The following TUBB3 variants were observed in gnomAD, a reference collection of about 807,000 sequenced individuals.
TUBB3 encodes the protein tubulin beta-3 chain.
A neutral mutation model predicts 37.8 loss-of-function variants in TUBB3; 17 were observed. The observed-to-expected ratio is 0.45, with a 90% CI of 0.31 to 0.67. TUBB3 has a LOEUF of 0.67. TUBB3 is among the 30% of genes least tolerant of loss of function. The pLI, the probability that TUBB3 is intolerant of heterozygous loss-of-function variation, is 0.07. For missense variants in TUBB3, 262 were observed against 657.9 expected, an observed-to-expected ratio of 0.40 and a Z score of 6.58; for synonymous variants, 332 against 278.9, an observed-to-expected ratio of 1.19 and a Z score of -1.90.
intron 1 of TUBB3, among the ~76,000 whole-genome samples, chr16:89,931,524 C>T (rs1024086842): frequency 1.4e-5 from 2 of 147,194 alleles, no homozygotes; most frequent in Non-Finnish European, 3.0e-5. Flanking sequence ...GATGAGGTGG[C>T]AACTTCCCTG....
At chr16:89,928,603 C>T (rs2030169065) in intron 1 of TUBB3, among the ~76,000 whole-genome samples, 1 of 151,460 alleles carries the variant, frequency 6.6e-6, no homozygotes, top group Non-Finnish European at 1.5e-5. Flanking sequence ...CGGTTCACTG[C>T]AAGCTCCGCC....
rs61743676 is a variant in TUBB3, at chr16:89,935,117, C to T, written c.666C>T (p.Tyr222=). 3,238 of 1,614,164 alleles carry T rather than the reference C, an allele frequency of 2.0e-3. 72 individuals are homozygous for T. The South Asian group carries it at 0.032, about 16-fold the overall frequency. ...FRTLKLATPT[Y]GDLNHLVSAT... is the part of the protein sequence containing the mutation. The stretch of plus-strand genomic sequence containing the variant: ...CCCTCAAGCTGGCCACGCCCACCTA[C>T]GGGGACCTCAACCACCTGGTATCGG... The change falls in exon 4 of 4, where the codon TAC becomes TAT. Residue 222 remains tyrosine (Y), a synonymous_variant. Transcript: ENST00000315491.
intron 3 of TUBB3, 122 bp downstream of exon 3, chr16:89,933,700 G>A (rs770324797): frequency 2.4e-6 from 2 of 831,746 alleles, no homozygotes; most frequent in East Asian, 4.9e-5. Context: ...CTGAATGGTG[G>A]GAACTCATCT....
Position 89,935,522 on chromosome 16 carries a change from G to C in TUBB3, c.1071G>C (p.Pro357=), listed in dbSNP as rs754560439. The C allele has an allele frequency of 6.2e-7, 1 of 1,614,178 alleles. No homozygotes were observed. The highest frequency in any genetic ancestry group is 1.1e-5 in the South Asian group (1 of 91,084). The part of the protein sequence containing the change: ...NNVKVAVCDI[P]PRGLKMSSTF... ...TGAAGGTGGCCGTGTGTGACATCCC[G>C]CCCCGCGGCCTCAAGATGTCCTCCA... The change falls in exon 4 of 4, where the codon CCG becomes CCC. Residue 357 remains proline (P), a synonymous_variant. Coordinates refer to ENST00000315491, the MANE Select transcript of TUBB3 (RefSeq NM_006086.4).
At chr16:89,926,995 G>A (rs1421632838) in intron 1 of TUBB3, among the ~76,000 whole-genome samples, 1 of 152,020 alleles carries the variant, frequency 6.6e-6, no homozygotes, top group Non-Finnish European at 1.5e-5. Context: ...GGGATTGCAG[G>A]CATGAGCCAC....
intron 2 of TUBB3, chr16:89,932,910 G>A (rs1447408529): frequency 3.4e-6 from 2 of 580,894 alleles, no homozygotes; most frequent in Non-Finnish European, 6.2e-6. Flanking sequence ...AGTGCCATGA[G>A]GGCCTGTGCG....
intron 1 of TUBB3, 34 bp downstream of exon 1, chr16:89,923,492 C>T (rs762647427): frequency 1.6e-5 from 23 of 1,411,788 alleles, no homozygotes; most frequent in East Asian, 3.2e-5. Flanking sequence ...TCCCGGGCCC[C>T]GGGGCGGGAG....
intron 2 of TUBB3, 78 bp downstream of exon 2, chr16:89,932,757 C>T (rs193023876): frequency 9.5e-6 from 11 of 1,152,942 alleles, no homozygotes; most frequent in African/African-American, 6.1e-5. Flanking sequence ...GGTCTCAGCA[C>T]CTGGACTCAC....
intron 1 of TUBB3, among the ~76,000 whole-genome samples, chr16:89,927,054 A>G (rs2030112870): frequency 6.6e-6 from 1 of 151,922 alleles, no homozygotes; most frequent in Non-Finnish European, 1.5e-5. Context: ...AATTTAGTTT[A>G]TAAAATTATA....
chr16:89,930,758 T>G (rs1375539759), intron 1 of TUBB3, among the ~76,000 whole-genome samples: 1 of 152,002 alleles, frequency 6.6e-6, no homozygotes, highest in Admixed American at 6.6e-5. Context: ...CTCATGCTTC[T>G]CATGCTTGCT....
chr16:89,923,522 G>A, intron 1 of TUBB3, 64 bp downstream of exon 1: 2 of 1,319,764 alleles, frequency 1.5e-6, no homozygotes, highest in East Asian at 3.4e-5. Flanking sequence ...GCCGTGCCCC[G>A]CGGGCCGCAC....
chr16:89,929,941 T>C (rs1333679162), intron 1 of TUBB3, among the ~76,000 whole-genome samples: 6 of 151,122 alleles, frequency 4.0e-5, no homozygotes, highest in Non-Finnish European at 8.8e-5. Flanking sequence ...CCTCAGATGA[T>C]CCACTGCCTC....
chr16:89,935,402 C>T lies in TUBB3; in HGVS notation c.951C>T (p.Phe317=). The part of the protein sequence containing the change: ...HGRYLTVATV[F]RGRMSMKEVD... ...GCTACCTGACGGTGGCCACCGTGTT[C>T]CGGGGCCGCATGTCCATGAAGGAGG... The change falls in exon 4 of 4, where the codon TTC becomes TTT. Residue 317 remains phenylalanine (F), a synonymous_variant. Transcript: ENST00000315491. 6.2e-7 allele frequency: 1 copy of T among 1,614,100 alleles called. No individual in the cohort carries two copies. The highest frequency in any genetic ancestry group is 8.5e-7 in the Non-Finnish European group (1 of 1,180,010).
chr16:89,933,758 G>C (rs2030353180), intron 3 of TUBB3, 180 bp downstream of exon 3: 2 of 711,684 alleles, frequency 2.8e-6, no homozygotes. Flanking sequence ...GGGTTCTGTG[G>C]GGAGAACAGA....
intron 1 of TUBB3, among the ~76,000 whole-genome samples, chr16:89,926,863 G>A (rs772615626): frequency 6.6e-6 from 1 of 151,782 alleles, no homozygotes; most frequent in East Asian, 1.9e-4. Flanking sequence ...GATTACAGGC[G>A]CCCGCCACCA....
rs573895784 is a variant in TUBB3 at position 89,935,972 on chromosome 16, G to C, written c.*168G>C. 2 of 778,974 alleles carry C rather than the reference G, an allele frequency of 2.6e-6. No homozygotes were observed. Among genetic ancestry groups the C allele is most frequent in the East Asian group, 5.4e-5 (2 of 37,132 alleles). The allele number at this position is 778,974 out of a possible 1,614,324, so 48.3% of individuals were successfully genotyped here. On this transcript the variant is annotated 3_prime_UTR_variant, in exon 4 of 4. Coordinates refer to ENST00000315491, the MANE Select transcript of TUBB3 (RefSeq NM_006086.4). ...GCCTCGTCCTCCCCACCTAGGCCAC[G>C]TGTGAGCTGCTCCTGTCTCTGTCTT...
At chr16:89,925,304 T>C (rs2030033364) in intron 1 of TUBB3, among the ~76,000 whole-genome samples, 1 of 152,210 alleles carries the variant, frequency 6.6e-6, no homozygotes, top group African/African-American at 2.4e-5. Flanking sequence ...AATTAATACC[T>C]GGCCGGGCAC....
At chr16:89,934,502 C>G (rs887420444) in intron 3 of TUBB3, 3 of 645,430 alleles carry the variant, frequency 4.6e-6, no homozygotes, top group South Asian at 1.6e-5. Flanking sequence ...TGCTGTGACC[C>G]CAAGTTCTCA....
At chr16:89,923,322 C>G, upstream of TUBB3, 1 of 1,233,452 alleles carries the variant, frequency 8.1e-7, no homozygotes, top group African/African-American at 1.6e-5. Flanking sequence ...TATAAGAGCG[C>G]GCGGCCGCGG....
Sources: gnomAD v4.1 joint callset for allele counts (sites outside exome capture counted in the v4.1 genomes callset) on GRCh38, gnomAD v4.1.1 for gene constraint, MANE v1.5 for transcripts, NCBI Gene and HGNC (gene_info 2026-07-23, HGNC 2026-07-21) for gene names.